DESI2: variants seen among roughly 807,000 people sequenced by gnomAD.
DESI2 encodes desumoylating isopeptidase 2.
Under a neutral mutation model 24.1 loss-of-function variants are expected in DESI2, and 10 were observed. The observed-to-expected ratio is 0.41, with a 90% CI of 0.26 to 0.70. DESI2 has a LOEUF of 0.70. Among genes scored for constraint, DESI2 ranks in the 30% least tolerant of loss-of-function variants. The probability of loss-of-function intolerance (pLI) is 0.29; values close to 1 mark genes in which losing one functional copy is unlikely to be tolerated. For missense variants in DESI2, 122 were observed against 234.9 expected (o/e 0.52, Z 3.14); for synonymous variants, 71 against 87.7 (o/e 0.81, Z 1.06).
intron 4 of DESI2, 150 bp from the exon 5 acceptor site, chr1:244,705,406 G>C (rs147687178): frequency 0.023 from 14,063 of 624,890 alleles, 231 homozygotes; most frequent in Non-Finnish European, 0.032. Flanking sequence ...AGAGCTGCTT[G>C]TTATCAAAAG....
rs551363838 is a variant in DESI2, at chr1:244,674,429, C to A, written c.43-12168C>A. Among the ~76,000 whole-genome samples the A allele has an allele frequency of 2.6e-4, 39 of 151,334 alleles. No homozygotes were observed. The South Asian group carries it at 6.9e-3, about 27-fold the overall frequency. Reference sequence around the variant, plus strand: ...AATTCAGTGAATTTTAGTATATTCACAGTTGTGAAGCCATCATTACCACAG... The same window carrying A: ...AATTCAGTGAATTTTAGTATATTCAAAGTTGTGAAGCCATCATTACCACAG... On this transcript the variant is annotated intron_variant, in intron 1 of 4. Coordinates refer to ENST00000302550, the MANE Select transcript of DESI2 (RefSeq NM_016076.5).
chr1:244,704,807 C>T (rs1677629341), intron 4 of DESI2, among the ~76,000 whole-genome samples: 1 of 152,172 alleles, frequency 6.6e-6, no homozygotes, highest in Non-Finnish European at 1.5e-5. Flanking sequence ...TACAGGTGTG[C>T]ACCACCATGC....
At chr1:244,677,042 T>A (rs964507012) in intron 1 of DESI2, among the ~76,000 whole-genome samples, 1 of 151,856 alleles carries the variant, frequency 6.6e-6, no homozygotes, top group Non-Finnish European at 1.5e-5. Context: ...TCTTGTGATG[T>A]CTTTGTTTTG....
chr1:244,666,627 A>C (rs1279897762), intron 1 of DESI2, among the ~76,000 whole-genome samples: 2 of 152,188 alleles, frequency 1.3e-5, no homozygotes, highest in African/African-American at 2.4e-5. Context: ...AACTGTTTTA[A>C]TCAGTCTCAT....
At chr1:244,678,589 T>G (rs984500959) in intron 1 of DESI2, among the ~76,000 whole-genome samples, 1 of 152,224 alleles carries the variant, frequency 6.6e-6, no homozygotes, top group African/African-American at 2.4e-5. Flanking sequence ...TTATGGAAAT[T>G]TACAATAAAT....
chr1:244,662,166 G>A (rs1385918823), intron 1 of DESI2, among the ~76,000 whole-genome samples: 4 of 152,168 alleles, frequency 2.6e-5, no homozygotes, highest in Non-Finnish European at 4.4e-5. Context: ...CCAGTGATGA[G>A]CATTTTTTCA....
At chr1:244,693,457 TTTTGCTC>T (rs1677099970) in intron 4 of DESI2, among the ~76,000 whole-genome samples, 1 of 151,560 alleles carries the variant, frequency 6.6e-6, no homozygotes, top group African/African-American at 2.4e-5. Flanking sequence ...TGAGATGCAG[TTTTGCTC>T]TTTGTCACCC....
In DESI2 at chr1:244,687,461, T is replaced by C. The variant is rs189314523; in HGVS notation, c.115+792T>C. Among the ~76,000 whole-genome samples the C allele has an allele frequency of 1.4e-4, 21 of 152,328 alleles. No homozygotes were observed. In the East Asian group the frequency reaches 3.9e-3, roughly 28 times the overall value. ...CATTTTGAATTATAAACTAACCCTA[T>C]AGCAGAAATGCCTTTGTTCGCTTCA... is the stretch of plus-strand genomic sequence containing the variant. On this transcript the variant is annotated intron_variant, in intron 2 of 4. Transcript: ENST00000302550.
intron 4 of DESI2, among the ~76,000 whole-genome samples, chr1:244,704,431 T>A (rs767602062): frequency 6.6e-6 from 1 of 152,142 alleles, no homozygotes; most frequent in Non-Finnish European, 1.5e-5. Context: ...GTTCTTACTA[T>A]TTGAAATAGG....
chr1:244,686,751 CTTTT>C, intron 2 of DESI2, 82 bp downstream of exon 2: 5 of 805,294 alleles, frequency 6.2e-6, no homozygotes, highest in South Asian at 4.9e-5. Context: ...ATAGGTCTCT[CTTTT>C]TTTAACCACT....
intron 1 of DESI2, among the ~76,000 whole-genome samples, chr1:244,666,181 T>C (rs1285945509): frequency 1.3e-5 from 2 of 152,158 alleles, no homozygotes; most frequent in African/African-American, 4.8e-5. Context: ...TCACAGCTTA[T>C]TTCACTGAAG....
In DESI2 at chr1:244,705,938, TC is replaced by T; in HGVS notation, c.*150del. ...TTTCAGCTCAGGATTATATTTGTAA[TC>T]AAAAAAAAAAAATCACTTGGCGCAG... On this transcript the variant is annotated 3_prime_UTR_variant, in exon 5 of 5. Transcript: ENST00000302550. The T allele has an allele frequency of 8.2e-6, 5 of 613,338 alleles. No individual in the cohort carries two copies. In the South Asian group the frequency reaches 8.5e-5, roughly 10 times the overall value. 38.0% of individuals were successfully genotyped at this position (613,338 alleles called of 1,614,324 possible).
intron 1 of DESI2, among the ~76,000 whole-genome samples, chr1:244,679,894 A>G (rs976581268): frequency 5.4e-5 from 6 of 111,312 alleles, no homozygotes; most frequent in Non-Finnish European, 9.5e-5. Flanking sequence ...AAAAAAAAAA[A>G]GACATTTTCT....
intron 4 of DESI2, among the ~76,000 whole-genome samples, chr1:244,703,557 C>T (rs577126185): frequency 8.5e-5 from 13 of 152,058 alleles, no homozygotes; most frequent in South Asian, 6.2e-4. Context: ...TACTATGTTG[C>T]CCAGGGTGGT....
chr1:244,659,519 C>G (rs185102702), intron 1 of DESI2, among the ~76,000 whole-genome samples: 2 of 152,292 alleles, frequency 1.3e-5, no homozygotes, highest in Non-Finnish European at 2.9e-5. Context: ...CTGGGATCCT[C>G]TCTCAGTTGC....
At chr1:244,681,430 T>G (rs765554831) in intron 1 of DESI2, among the ~76,000 whole-genome samples, 8 of 149,552 alleles carry the variant, frequency 5.3e-5, no homozygotes, top group Non-Finnish European at 8.9e-5. Context: ...AGCATAGCAG[T>G]CCCCAACCTT....
chr1:244,688,872 T>C (rs1042342131), intron 2 of DESI2, among the ~76,000 whole-genome samples: 3 of 152,206 alleles, frequency 2.0e-5, no homozygotes, highest in Admixed American at 6.5e-5. Flanking sequence ...CAGTAAGATA[T>C]GTGTTTGAAA....
Position 244,698,176 on chromosome 1 carries a change from T to C in DESI2, c.351+6156T>C, listed in dbSNP as rs75458105. On this transcript the variant is annotated intron_variant, in intron 4 of 4. Transcript: ENST00000302550. ...TGTCGCAGATGCGAGGGGGATTAGCTCAGTAAGGCAATGCTGCAAAGAAGT... is the reference window on the plus strand; with the variant it reads ...TGTCGCAGATGCGAGGGGGATTAGCCCAGTAAGGCAATGCTGCAAAGAAGT... Among the ~76,000 whole-genome samples, 109 of 152,298 alleles carry C rather than the reference T, an allele frequency of 7.2e-4. No homozygotes were observed. In the East Asian group the frequency reaches 0.02, roughly 28 times the overall value.
At chr1:244,694,511 G>A (rs1677142494) in intron 4 of DESI2, 2 of 773,376 alleles carry the variant, frequency 2.6e-6, no homozygotes, top group African/African-American at 1.7e-5. Flanking sequence ...TGAATCTGCG[G>A]TCTACAATTT....
Sources: gnomAD v4.1 joint callset for allele counts (sites outside exome capture counted in the v4.1 genomes callset) on GRCh38, gnomAD v4.1.1 for gene constraint, MANE v1.5 for transcripts, NCBI Gene and HGNC (gene_info 2026-07-23, HGNC 2026-07-21) for gene names.